SLC45A4: variants seen among roughly 807,000 people sequenced by gnomAD.
The protein encoded by SLC45A4 is polyamine-transporter SLC45A4.
A neutral mutation model predicts 63.7 loss-of-function variants in SLC45A4; 32 were observed. The ratio of observed to expected loss-of-function variants is 0.50; its 90% CI spans 0.38 to 0.67. The LOEUF (loss-of-function observed/expected upper bound fraction) is 0.67. Among genes scored for constraint, SLC45A4 ranks in the 30% least tolerant of loss-of-function variants. The pLI is 0.00. For missense variants in SLC45A4, 1,027 were observed against 1,157.7 expected (o/e 0.89, Z 1.64); for synonymous variants, 535 against 510.0 (o/e 1.05, Z -0.66).
At chr8:141,281,271 G>A (rs1304855289) in intron 1 of SLC45A4, among the ~76,000 whole-genome samples, 1 of 152,130 alleles carries the variant, frequency 6.6e-6, no homozygotes, top group African/African-American at 2.4e-5. Flanking sequence ...CCCGGGAGGC[G>A]GAGGGTGCAG....
chr8:141,274,128 C>T (rs944074321), intron 1 of SLC45A4, among the ~76,000 whole-genome samples: 18 of 152,254 alleles, frequency 1.2e-4, no homozygotes, highest in African/African-American at 4.1e-4. Context: ...ACTCTGGAGG[C>T]TGAGGCAGGA....
intron 1 of SLC45A4, among the ~76,000 whole-genome samples, chr8:141,304,304 A>C (rs114767314): frequency 0.03 from 4,556 of 152,018 alleles, 215 homozygotes; most frequent in African/African-American, 0.1. Flanking sequence ...AGAGACTATA[A>C]TGCCAGCACT....
intron 1 of SLC45A4, among the ~76,000 whole-genome samples, chr8:141,260,198 T>C (rs1412505683): frequency 6.6e-6 from 1 of 152,224 alleles, no homozygotes; most frequent in East Asian, 1.9e-4. Flanking sequence ...TCTTTAGACA[T>C]CTTGAGTTTG....
intron 2 of SLC45A4, among the ~76,000 whole-genome samples, chr8:141,222,156 C>T (rs565622568): frequency 1.1e-4 from 17 of 152,352 alleles, no homozygotes; most frequent in Middle Eastern, 3.4e-3. Context: ...TGCTGAAGGC[C>T]ACTTTGAGGG....
chr8:141,253,722 G>A (rs1828634232), intron 2 of SLC45A4, among the ~76,000 whole-genome samples: 1 of 152,192 alleles, frequency 6.6e-6, no homozygotes, highest in Non-Finnish European at 1.5e-5. Flanking sequence ...GTACTTATCA[G>A]TGCCAATTCT....
At chr8:141,298,015 C>T (rs1191181323) in intron 1 of SLC45A4, among the ~76,000 whole-genome samples, 1 of 109,880 alleles carries the variant, frequency 9.1e-6, no homozygotes, top group Non-Finnish European at 1.8e-5. Context: ...GGCCACAGCG[C>T]TGCCCGGGAG....
In SLC45A4 at chr8:141,277,127, C is replaced by T. The variant is rs117150952; in HGVS notation, c.-400-22498G>A. Among the ~76,000 whole-genome samples the T allele has an allele frequency of 9.4e-3, 1,434 of 152,326 alleles. 14 individuals carry two copies. The highest frequency in any genetic ancestry group is 0.014 in the Non-Finnish European group (970 of 68,034). Reference sequence around the variant, plus strand: ...CCGCGCCGCCCTCTACAGATGGGTGCGCCACGATGGCAACGGGCAATGCAA... The same window carrying T: ...CCGCGCCGCCCTCTACAGATGGGTGTGCCACGATGGCAACGGGCAATGCAA... On this transcript the variant is annotated intron_variant, in intron 1 of 8. Coordinates refer to ENST00000517878, the MANE Select transcript of SLC45A4 (RefSeq NM_001286646.2).
intron 2 of SLC45A4, among the ~76,000 whole-genome samples, chr8:141,246,207 G>T (rs72681565): frequency 0.016 from 2,505 of 152,276 alleles, 47 homozygotes; most frequent in Non-Finnish European, 0.026. Context: ...TATACAGGGG[G>T]AAGCAGTGCA....
At chr8:141,249,800 T>C (rs1471244819) in intron 2 of SLC45A4, among the ~76,000 whole-genome samples, 4 of 152,218 alleles carry the variant, frequency 2.6e-5, no homozygotes, top group African/African-American at 4.8e-5. Flanking sequence ...CCCTTGTAAG[T>C]GTCATTTCAG....
At position 141,256,478 on chromosome 8, in the gene SLC45A4, C is replaced by T. The variant is rs758989864; in HGVS notation, c.-400-1849G>A. The T allele has an allele frequency of 4.6e-5, 21 of 451,622 alleles. No individual in the cohort carries two copies. The highest frequency in any genetic ancestry group is 3.3e-4 in the Middle Eastern group (1 of 3,066). 28.0% of individuals were successfully genotyped at this position (451,622 alleles called of 1,614,324 possible). A position where few individuals can be genotyped will look rare whatever the true frequency, so the allele number is the denominator to read the frequency against. On this transcript the variant is annotated intron_variant, in intron 1 of 8. Coordinates refer to ENST00000517878, the MANE Select transcript of SLC45A4 (RefSeq NM_001286646.2). This position sits in a 1 kb window ranked among gnomAD's most constrained non-coding sequence, Gnocchi z 4.3. ...ACCTCGAGGTGCTGTCTTCACTCGGCTCCTCTCTCACACAGCCCTGATGGA... is the reference window on the plus strand; with the variant it reads ...ACCTCGAGGTGCTGTCTTCACTCGGTTCCTCTCTCACACAGCCCTGATGGA...
rs764420473 is a variant in SLC45A4, at chr8:141,218,403, G to A, written c.1237C>T (p.Arg413Trp). ...CTGCGGAACGCGTGCCGCCGCCGCC[G>A]CATGGAGCTCGACGTGGCCGAGGGC... ...TKPSATSSSM[R>W]RRRHAFRRQA... Residue 413 changes from arginine (R) to tryptophan (W), a missense_variant, in exon 5 of 9, where the codon CGG becomes TGG. Coordinates refer to ENST00000517878, the MANE Select transcript of SLC45A4 (RefSeq NM_001286646.2). 2.0e-5 allele frequency: 32 copies of A among 1,609,806 alleles called. No individual in the cohort carries two copies. The highest frequency in any genetic ancestry group is 2.0e-4 in the South Asian group (18 of 91,074).
At chr8:141,219,398 C>T (rs1826436064) in intron 4 of SLC45A4, among the ~76,000 whole-genome samples, 1 of 152,166 alleles carries the variant, frequency 6.6e-6, no homozygotes, top group African/African-American at 2.4e-5. Context: ...GTTCACTGTG[C>T]CAGCATGCAT....
At chr8:141,280,709 G>A (rs767476966) in intron 1 of SLC45A4, among the ~76,000 whole-genome samples, 7 of 152,184 alleles carry the variant, frequency 4.6e-5, no homozygotes, top group African/African-American at 9.7e-5. Flanking sequence ...GTTTTTGTTC[G>A]TGTAATGCGA....
rs534962539 is a variant in SLC45A4, at chr8:141,228,616, A to G, written c.242-6851T>C. On this transcript the variant is annotated intron_variant, in intron 2 of 8. Transcript: ENST00000517878. ...TCGGCTCTTTAAAACAGATGTTGCA[A>G]CAAGCAAACATCTTTGTGATGACAC... 7 of 1,096,108 alleles carry G rather than the reference A, an allele frequency of 6.4e-6. No individual in the cohort carries two copies. In the African/African-American group the frequency reaches 1.1e-4, roughly 18 times the overall value. The allele number at this position is 1,096,108 out of a possible 1,614,324, so 67.9% of individuals were successfully genotyped here. A position where few individuals can be genotyped will look rare whatever the true frequency, so the allele number is the denominator to read the frequency against.
chr8:141,234,916 G>A (rs748956874), intron 2 of SLC45A4, among the ~76,000 whole-genome samples: 13 of 152,198 alleles, frequency 8.5e-5, no homozygotes, highest in Non-Finnish European at 1.5e-4. Flanking sequence ...GTCCCCCTTG[G>A]TGACCATGAT....
intron 1 of SLC45A4, among the ~76,000 whole-genome samples, chr8:141,265,145 C>A (rs2154614842): frequency 6.6e-6 from 1 of 152,316 alleles, no homozygotes; most frequent in South Asian, 2.1e-4. Flanking sequence ...TTTATGGACA[C>A]ATGTTTGGAT....
rs28491512 is a variant in SLC45A4 at position 141,256,268 on chromosome 8, T to C, written c.-400-1639A>G. ...ATGGGGTTCGGTTCAACTGAAGTGTTAGAGCCCCTAAAAACACACCTAAAT... is the reference window on the plus strand; with the variant it reads ...ATGGGGTTCGGTTCAACTGAAGTGTCAGAGCCCCTAAAAACACACCTAAAT... On this transcript the variant is annotated intron_variant, in intron 1 of 8. Transcript: ENST00000517878. The surrounding 1 kb of genome is among the most constrained non-coding windows in gnomAD (Gnocchi z 4.3). Among the ~76,000 whole-genome samples, 741 of 152,320 alleles carry C rather than the reference T, an allele frequency of 4.9e-3. 8 individuals carry two copies. The highest frequency in any genetic ancestry group is 0.017 in the African/African-American group (699 of 41,564).
intron 1 of SLC45A4, among the ~76,000 whole-genome samples, chr8:141,306,160 G>A (rs1216260737): frequency 6.6e-6 from 1 of 152,150 alleles, no homozygotes; most frequent in African/African-American, 2.4e-5. Flanking sequence ...CAGGGCAGCA[G>A]GCCACTCCCC....
At position 141,278,985 on chromosome 8, in the gene SLC45A4, C is replaced by T. The variant is rs1289128259; in HGVS notation, c.-400-24356G>A. 6.6e-6 allele frequency among the ~76,000 whole-genome samples: 1 copy of T among 152,242 alleles called. No individual in the cohort carries two copies. Among genetic ancestry groups the T allele is most frequent in the Non-Finnish European group, 1.5e-5 (1 of 68,036 alleles). On this transcript the variant is annotated intron_variant, in intron 1 of 8. Coordinates refer to ENST00000517878, the MANE Select transcript of SLC45A4 (RefSeq NM_001286646.2). This position sits in a 1 kb window ranked among gnomAD's most constrained non-coding sequence, Gnocchi z 4.1. ...AAAGCCCCAGCCCCCACCTTGGCCC[C>T]CAGCCTGTGGGCACAGTTTCTCTCC...
Sources: allele counts gnomAD v4.1 joint callset (sites outside exome capture counted in the v4.1 genomes callset), GRCh38; gene constraint gnomAD v4.1.1; non-coding constraint Gnocchi (gnomAD v3.1); transcripts MANE v1.5; gene names NCBI Gene and HGNC (gene_info 2026-07-23, HGNC 2026-07-21).